LIN52: variants seen among roughly 807,000 people sequenced by gnomAD.
LIN52 encodes protein lin-52 homolog.
Under a neutral mutation model 18.5 loss-of-function variants are expected in LIN52, and 4 were observed. The ratio of observed to expected loss-of-function variants is 0.22; its 90% CI spans 0.11 to 0.49. LIN52 has a LOEUF of 0.49. LIN52 is among the 20% of genes least tolerant of loss of function. LIN52 has a pLI of 0.97. For synonymous variants in LIN52, 34 were observed against 45.5 expected (o/e 0.75, Z 1.02); for missense variants, 102 against 139.5 (o/e 0.73, Z 1.35).
At position 74,103,733 on chromosome 14, in the gene LIN52, G is replaced by GTTT. The variant is rs573188668; in HGVS notation, c.283+2529_283+2531dup. Reference sequence around the variant, plus strand: ...AGGTGTGAGCCACCGGGCCTGGCCAGTTTTTTTTTTTTTTTTTTTTTTTTT... The same window carrying GTTT: ...AGGTGTGAGCCACCGGGCCTGGCCAGTTTTTTTTTTTTTTTTTTTTTTTTTTTT... On this transcript the variant is annotated intron_variant, in intron 5 of 5. Transcript: ENST00000555028. 7.8e-4 allele frequency among the ~76,000 whole-genome samples: 36 copies of GTTT among 46,036 alleles called. 3 individuals carry two copies. The highest frequency in any genetic ancestry group is 1.8e-3 in the Admixed American group (5 of 2,808). The allele number at this position is 46,036 out of a possible 152,430, so 30.2% of individuals were successfully genotyped here. A position where few individuals can be genotyped will look rare whatever the true frequency, so the allele number is the denominator to read the frequency against.
At chr14:74,161,657 A>AC (rs1230805929) in intron 5 of LIN52, among the ~76,000 whole-genome samples, 1 of 152,222 alleles carries the variant, frequency 6.6e-6, no homozygotes, top group African/African-American at 2.4e-5. Flanking sequence ...GCTGAGGTTC[A>AC]GCCCTCTGAA....
intron 5 of LIN52, among the ~76,000 whole-genome samples, chr14:74,196,053 G>C (rs1410983722): frequency 6.6e-6 from 1 of 152,182 alleles, no homozygotes; most frequent in Non-Finnish European, 1.5e-5. Context: ...TATATCTCCT[G>C]TATGGGACTG....
intron 5 of LIN52, among the ~76,000 whole-genome samples, chr14:74,190,565 T>C (rs2061359418): frequency 6.6e-6 from 1 of 151,830 alleles, no homozygotes; most frequent in African/African-American, 2.4e-5. Context: ...CTAATTTTTG[T>C]ATTTTTACTA....
At chr14:74,145,397 TA>T (rs1165284242) in intron 5 of LIN52, among the ~76,000 whole-genome samples, 2 of 152,206 alleles carry the variant, frequency 1.3e-5, no homozygotes, top group Non-Finnish European at 2.9e-5. Flanking sequence ...AAAATAATCT[TA>T]AAGTTATACA....
chr14:74,089,370 ATT>A (rs71460953), intron 1 of LIN52, among the ~76,000 whole-genome samples: 15 of 142,280 alleles, frequency 1.1e-4, no homozygotes, highest in Non-Finnish European at 1.1e-4. Flanking sequence ...TTAAGTGGGG[ATT>A]TTTTTTTTTT....
intron 5 of LIN52, among the ~76,000 whole-genome samples, chr14:74,101,599 C>T (rs2139878732): frequency 6.6e-6 from 1 of 151,062 alleles, no homozygotes; most frequent in East Asian, 2.0e-4. Flanking sequence ...GCTGGGACTA[C>T]AGGCGCCCGC....
intron 5 of LIN52, among the ~76,000 whole-genome samples, chr14:74,138,954 C>T (rs1218269612): frequency 1.5e-5 from 2 of 135,486 alleles, no homozygotes; most frequent in Non-Finnish European, 3.2e-5. Flanking sequence ...TTTTTTTCAA[C>T]AAAAAGGAAA....
intron 5 of LIN52, among the ~76,000 whole-genome samples, chr14:74,116,024 C>T (rs2060962275): frequency 1.3e-5 from 2 of 152,166 alleles, no homozygotes; most frequent in Non-Finnish European, 2.9e-5. Flanking sequence ...AGAAAATGGG[C>T]CAGGCATGGT....
Position 74,131,782 on chromosome 14 carries a change from T to C in LIN52, c.283+30544T>C, listed in dbSNP as rs561182581. On this transcript the variant is annotated intron_variant, in intron 5 of 5. Transcript: ENST00000555028. ...CTGTTATAGTCCTTGTCTGTTTTTC[T>C]GTTGGTTGAGTTTCCAGGATTTAAA... is the stretch of plus-strand genomic sequence containing the variant. Among the ~76,000 whole-genome samples, 121 of 152,370 alleles carry C rather than the reference T, an allele frequency of 7.9e-4. 1 individual carries two copies. Among genetic ancestry groups the C allele is most frequent in the Non-Finnish European group, 1.4e-3 (95 of 68,038 alleles).
chr14:74,127,264 G>T (rs1771678491), intron 5 of LIN52, among the ~76,000 whole-genome samples: 1 of 152,302 alleles, frequency 6.6e-6, no homozygotes, highest in East Asian at 1.9e-4. Flanking sequence ...AGTACAATGT[G>T]GGACAAGGCC....
Position 74,199,091 on chromosome 14 carries a change from AGGACTGCCC to A in LIN52, c.*115_*123del. 1 of 722,508 alleles carries A rather than the reference AGGACTGCCC, an allele frequency of 1.4e-6. No homozygotes were observed. The highest frequency in any genetic ancestry group is 1.6e-5 in the South Asian group (1 of 61,838). 44.8% of individuals were successfully genotyped at this position (722,508 alleles called of 1,614,324 possible). A position where few individuals can be genotyped will look rare whatever the true frequency, so the allele number is the denominator to read the frequency against. ...GGGAGAGGCCAGAGGGTGTACCTCC[AGGACTGCCC>A]TCTCCCCTGCTCCTGGCACTCTACA... On this transcript the variant is annotated 3_prime_UTR_variant, in exon 6 of 6. Coordinates refer to ENST00000555028, the MANE Select transcript of LIN52 (RefSeq NM_001024674.3).
In LIN52 at chr14:74,096,118, T is replaced by C. The variant is rs992936990; in HGVS notation, c.132+133T>C. 9 of 560,112 alleles carry C rather than the reference T, an allele frequency of 1.6e-5. No individual in the cohort carries two copies. In the African/African-American group the frequency reaches 1.8e-4, roughly 11 times the overall value. 34.7% of individuals were successfully genotyped at this position (560,112 alleles called of 1,614,324 possible). A position where few individuals can be genotyped will look rare whatever the true frequency, so the allele number is the denominator to read the frequency against. ...ACTCTTCGCCCAGGCTGGAGTGCAG[T>C]GGTACGATCTCGGCTCACTGCAACT... On this transcript the variant is annotated intron_variant, in intron 3 of 5. Coordinates refer to ENST00000555028, the MANE Select transcript of LIN52 (RefSeq NM_001024674.3).
chr14:74,194,494 G>C (rs1466004256), intron 5 of LIN52, among the ~76,000 whole-genome samples: 1 of 152,216 alleles, frequency 6.6e-6, no homozygotes, highest in Non-Finnish European at 1.5e-5. Flanking sequence ...TAGCCCTGGA[G>C]GAACTACGAA....
chr14:74,121,075 C>A (rs2060997132), intron 5 of LIN52, among the ~76,000 whole-genome samples: 1 of 151,686 alleles, frequency 6.6e-6, no homozygotes, highest in Admixed American at 6.6e-5. Flanking sequence ...AAAACTATTC[C>A]AAAAAAAACC....
chr14:74,158,680 G>A (rs1395371746), intron 5 of LIN52, among the ~76,000 whole-genome samples: 1 of 151,970 alleles, frequency 6.6e-6, no homozygotes, highest in Non-Finnish European at 1.5e-5. Context: ...GTTTCTCCAT[G>A]TTGGTCAGGC....
chr14:74,158,520 C>T (rs2061210674), intron 5 of LIN52, among the ~76,000 whole-genome samples: 1 of 151,926 alleles, frequency 6.6e-6, no homozygotes, highest in Non-Finnish European at 1.5e-5. Flanking sequence ...CTCTTGTTGC[C>T]CAGGCTGCAG....
At position 74,170,604 on chromosome 14, in the gene LIN52, C is replaced by T. The variant is rs938624167; in HGVS notation, c.284-28318C>T. The stretch of plus-strand genomic sequence containing the variant: ...TTGGAGTTTAAATGTTCCATTTTCT[C>T]CCTGATTAAAAAAGGAAGAGATAGA... On this transcript the variant is annotated intron_variant, in intron 5 of 5. Coordinates refer to ENST00000555028, the MANE Select transcript of LIN52 (RefSeq NM_001024674.3). Among the ~76,000 whole-genome samples the T allele has an allele frequency of 3.5e-4, 53 of 151,686 alleles. 1 individual carries two copies. The highest frequency in any genetic ancestry group is 1.5e-4 in the Non-Finnish European group (10 of 67,952).
At chr14:74,178,772 T>C (rs746091998) in intron 5 of LIN52, among the ~76,000 whole-genome samples, 19 of 151,802 alleles carry the variant, frequency 1.3e-4, no homozygotes, top group Non-Finnish European at 2.1e-4. Flanking sequence ...GCTTTTGTAG[T>C]TCTTCTACCT....
At chr14:74,154,583 T>C (rs8022546) in intron 5 of LIN52, among the ~76,000 whole-genome samples, 118,006 of 152,114 alleles carry the variant, frequency 0.78, 46,103 homozygotes, top group Admixed American at 0.81. Context: ...CAGTTTCTTT[T>C]CTAATTGCAC....
Sources: gnomAD v4.1 joint callset for allele counts (sites outside exome capture counted in the v4.1 genomes callset) on GRCh38, gnomAD v4.1.1 for gene constraint, MANE v1.5 for transcripts, NCBI Gene and HGNC (gene_info 2026-07-23, HGNC 2026-07-21) for gene names.